Variants in THRAP3 observed in about 807,000 individuals in gnomAD.
THRAP3 encodes the protein thyroid hormone receptor-associated protein 3.
Under a neutral mutation model 101.0 loss-of-function variants are expected in THRAP3, and 16 were observed. The ratio of observed to expected loss-of-function variants is 0.16; its 90% CI spans 0.11 to 0.24. The LOEUF (loss-of-function observed/expected upper bound fraction) is 0.24. Among genes scored for constraint, THRAP3 ranks in the 10% least tolerant of loss-of-function variants. The pLI, the probability that THRAP3 is intolerant of heterozygous loss-of-function variation, is 1.00. For missense variants in THRAP3, 989 were observed against 1,202.7 expected (o/e 0.82, Z 2.63); for synonymous variants, 407 against 422.6 (o/e 0.96, Z 0.45).
chr1:36,259,801 C>G (rs1315408462), intron 2 of THRAP3, among the ~76,000 whole-genome samples: 1 of 151,448 alleles, frequency 6.6e-6, no homozygotes, highest in East Asian at 1.9e-4. Flanking sequence ...ATTGATTATC[C>G]AGATGATTCG....
chr1:36,265,984 T>C (rs545477087), intron 2 of THRAP3, among the ~76,000 whole-genome samples: 3 of 151,876 alleles, frequency 2.0e-5, no homozygotes, highest in Non-Finnish European at 4.4e-5. Context: ...TGAGACCCCG[T>C]CTGTATTGAA....
chr1:36,302,395 A>C (rs558629370), intron 11 of THRAP3, among the ~76,000 whole-genome samples: 1 of 152,216 alleles, frequency 6.6e-6, no homozygotes, highest in Non-Finnish European at 1.5e-5. Context: ...GTGGATGGCT[A>C]TGCGTGGCCA....
At chr1:36,241,381 G>A (rs1271330566) in intron 1 of THRAP3, among the ~76,000 whole-genome samples, 1 of 10,970 alleles carries the variant, frequency 9.1e-5, no homozygotes, top group African/African-American at 2.1e-4. Flanking sequence ...AAATGATAAT[G>A]GGTGTATATA....
chr1:36,301,762 G>A, intron 11 of THRAP3, 66 bp downstream of exon 11: 3 of 1,539,900 alleles, frequency 1.9e-6, no homozygotes, highest in South Asian at 2.5e-5. Context: ...CTGATACCAA[G>A]CCTTAATTAG....
intron 2 of THRAP3, among the ~76,000 whole-genome samples, chr1:36,265,459 C>CTTTTTTTTTTTTTTTT (rs60539096): frequency 9.5e-6 from 1 of 104,842 alleles, no homozygotes; most frequent in Non-Finnish European, 2.0e-5. Context: ...AGACAGGAAA[C>CTTTTTTTTTTTTTTTT]TTTTTTTTTT....
intron 1 of THRAP3, among the ~76,000 whole-genome samples, chr1:36,256,509 G>A (rs1001020574): frequency 5.3e-5 from 8 of 152,074 alleles, no homozygotes; most frequent in Admixed American, 4.6e-4. Flanking sequence ...ACAGGCATGA[G>A]CCACTGCGCC....
At chr1:36,287,763 G>C (rs555002098) in intron 4 of THRAP3, 2 of 985,328 alleles carry the variant, frequency 2.0e-6, no homozygotes, top group South Asian at 4.7e-5. Context: ...GTCCAGGAAG[G>C]CCTTGTTTTA....
Position 36,301,709 on chromosome 1 carries a change from G to T in THRAP3, c.2646+13G>T. 1 of 1,608,582 alleles carries T rather than the reference G, an allele frequency of 6.2e-7. No individual in the cohort carries two copies. Among genetic ancestry groups the T allele is most frequent in the Non-Finnish European group, 8.5e-7 (1 of 1,177,218 alleles). ...GAAGTATTACTTGGTATGTGTCTGG[G>T]GATAACCAGGAAGGGTTAGAGGGCC... On this transcript the variant is annotated intron_variant, in intron 11 of 11. Coordinates refer to ENST00000354618, the MANE Select transcript of THRAP3 (RefSeq NM_005119.4).
intron 2 of THRAP3, among the ~76,000 whole-genome samples, chr1:36,267,033 A>G (rs1281536897): frequency 6.6e-6 from 1 of 152,070 alleles, no homozygotes; most frequent in Non-Finnish European, 1.5e-5. Flanking sequence ...TTTGCATGCC[A>G]ACACGCCCGG....
intron 1 of THRAP3, among the ~76,000 whole-genome samples, chr1:36,226,301 C>A (rs1270954609): frequency 6.6e-6 from 1 of 152,124 alleles, no homozygotes. Flanking sequence ...GCGCTGTCAC[C>A]CAGGCTGGAG....
the THRAP3 span, among the ~76,000 whole-genome samples, chr1:36,210,224 G>A: frequency 6.6e-6 from 1 of 151,832 alleles, no homozygotes; most frequent in East Asian, 2.0e-4. Context: ...AAATTAGCTG[G>A]GCATGGTGGC....
At chr1:36,218,237 CAGG>C in the THRAP3 span, among the ~76,000 whole-genome samples, 1 of 151,482 alleles carries the variant, frequency 6.6e-6, no homozygotes, top group African/African-American at 2.4e-5. Flanking sequence ...GGCGTGGTGG[CAGG>C]CACCTGTAGT....
chr1:36,296,750 T>G lies in THRAP3; in HGVS notation c.2283T>G (p.His761Gln). The G allele has an allele frequency of 1.3e-6, 2 of 1,594,382 alleles. No homozygotes were observed. The highest frequency in any genetic ancestry group is 1.7e-6 in the Non-Finnish European group (2 of 1,174,788). ...CAGCTGAAAAAACAGAGAAAACTCA[T>G]AAAGGATCAAAGAAACAGAAGTACG... ...ERSAEKTEKT[H>Q]KGSKKQKKHR... Residue 761 changes from histidine to glutamine, a missense_variant, in exon 9 of 12, where the codon CAT (histidine) becomes CAG (glutamine). By Grantham distance (24) the His-to-Gln change is conservative. Coordinates refer to ENST00000354618, the MANE Select transcript of THRAP3 (RefSeq NM_005119.4).
At chr1:36,291,287 A>T (rs771749299) in intron 5 of THRAP3, 87 bp from the exon 6 acceptor site, 6 of 1,379,520 alleles carry the variant, frequency 4.3e-6, no homozygotes, top group Non-Finnish European at 4.9e-6. Context: ...AGATAGATTT[A>T]AAACTCTTCA....
At chr1:36,260,190 C>A (rs1033022014) in intron 2 of THRAP3, among the ~76,000 whole-genome samples, 61 of 151,956 alleles carry the variant, frequency 4.0e-4, no homozygotes, top group Non-Finnish European at 5.4e-4. Flanking sequence ...TACAGTGAGC[C>A]GAGATCTTGC....
chr1:36,234,884 G>C (rs928435353), intron 1 of THRAP3, among the ~76,000 whole-genome samples: 1 of 143,094 alleles, frequency 7.0e-6, no homozygotes, highest in African/African-American at 2.6e-5. Context: ...GCACGATCTT[G>C]GCTTACTGCA....
chr1:36,301,811 T>C, intron 11 of THRAP3, 115 bp downstream of exon 11: 1 of 1,285,830 alleles, frequency 7.8e-7, no homozygotes. Flanking sequence ...TGCAGGATTA[T>C]TGCACTGGGG....
At chr1:36,223,139 A>C (rs1644915971), upstream of THRAP3, among the ~76,000 whole-genome samples, 1 of 152,068 alleles carries the variant, frequency 6.6e-6, no homozygotes, top group African/African-American at 2.4e-5. Context: ...TAAATAAATA[A>C]ATAAATAAAA....
Position 36,289,657 on chromosome 1 carries a change from C to T in THRAP3, c.1638C>T (p.Asp546=), listed in dbSNP as rs188491011. 4.8e-5 allele frequency: 78 copies of T among 1,614,224 alleles called. No individual in the cohort carries two copies. In the Middle Eastern group the frequency reaches 4.9e-4, roughly 10 times the overall value. ...CAAGAAAGACCTCTGAGAGCCGAGA[C>T]AAGCTGGGAGCGAAAGGAGATTTTC... The part of the protein sequence containing the change: ...PPPRKTSESR[D]KLGAKGDFPT... The change falls in exon 5 of 12, where the codon GAC becomes GAT. Residue 546 remains aspartate (D), a synonymous_variant. Transcript: ENST00000354618.
Sources: gnomAD v4.1 joint callset for allele counts (sites outside exome capture counted in the v4.1 genomes callset) on GRCh38, gnomAD v4.1.1 for gene constraint, MANE v1.5 for transcripts, NCBI Gene and HGNC (gene_info 2026-07-23, HGNC 2026-07-21) for gene names.